PRICKLE1: variants seen among roughly 807,000 people sequenced by gnomAD.
The protein encoded by PRICKLE1 is prickle planar cell polarity protein 1, also known as prickle-like protein 1.
PRICKLE1 carries 14 observed loss-of-function variants against 70.2 expected under a neutral mutation model. That is an observed-to-expected ratio of 0.20 (90% confidence interval 0.13 to 0.31). PRICKLE1 has a LOEUF of 0.31. Among genes scored for constraint, PRICKLE1 ranks in the 10% least tolerant of loss-of-function variants. The pLI, the probability that PRICKLE1 is intolerant of heterozygous loss-of-function variation, is 1.00. For synonymous variants in PRICKLE1, 357 were observed against 379.9 expected, an observed-to-expected ratio of 0.94 and a Z score of 0.70; for missense variants, 821 against 1,026.2, an observed-to-expected ratio of 0.80 and a Z score of 2.73.
At chr12:42,561,869 G>A (rs898415261) in intron 1 of PRICKLE1, among the ~76,000 whole-genome samples, 3 of 149,658 alleles carry the variant, frequency 2.0e-5, no homozygotes, top group East Asian at 2.0e-4. Context: ...GAAAATAAGC[G>A]AAAATATGAT....
intron 1 of PRICKLE1, among the ~76,000 whole-genome samples, chr12:42,512,857 T>C (rs1196208375): frequency 6.6e-6 from 1 of 152,188 alleles, no homozygotes; most frequent in Non-Finnish European, 1.5e-5. Context: ...AGCCTCTCTT[T>C]TGAAGTTTGG....
chr12:42,560,187 A>G (rs1014819799), intron 1 of PRICKLE1, among the ~76,000 whole-genome samples: 1 of 150,052 alleles, frequency 6.7e-6, no homozygotes, highest in Non-Finnish European at 1.5e-5. Context: ...CCCAGGCTGG[A>G]GTGCAGTGGT....
At chr12:42,501,668 T>TC (rs1284176387) in intron 1 of PRICKLE1, among the ~76,000 whole-genome samples, 2 of 152,112 alleles carry the variant, frequency 1.3e-5, no homozygotes, top group Non-Finnish European at 2.9e-5. Context: ...GGCTTTTTTT[T>TC]CCCCCATACA....
intron 1 of PRICKLE1, among the ~76,000 whole-genome samples, chr12:42,542,646 G>C (rs1474140268): frequency 6.6e-6 from 1 of 152,066 alleles, no homozygotes; most frequent in African/African-American, 2.4e-5. Flanking sequence ...GCAAGACTCT[G>C]TCTCAAAAAT....
chr12:42,555,136 C>G (rs756410784), intron 1 of PRICKLE1, among the ~76,000 whole-genome samples: 2 of 151,998 alleles, frequency 1.3e-5, no homozygotes, highest in Non-Finnish European at 2.9e-5. Context: ...AACCCTGTCT[C>G]CACTAAAAAT....
chr12:42,465,000 T>C lies in PRICKLE1; in HGVS notation c.1034A>G (p.Gln345Arg), dbSNP rs1397193014. ...RMGKSSRSADQCRQSLLLSPA... is the reference protein window; with the variant it reads ...RMGKSSRSADRCRQSLLLSPA... ...CGATAAGAGGAGAGACTGTCTACAC[T>C]GATCTGCTGACCGGCTGCTCTTGCC... Residue 345 changes from glutamine (Q) to arginine (R), a missense_variant, in exon 7 of 8, where the codon CAG (glutamine) becomes CGG (arginine). Gln to Arg is a conservative substitution (Grantham distance 43). Coordinates refer to ENST00000345127, the MANE Select transcript of PRICKLE1 (RefSeq NM_153026.3). This position sits in a 1 kb window ranked among gnomAD's most constrained non-coding sequence, Gnocchi z 4.2. 1 of 1,609,336 alleles carries C rather than the reference T, an allele frequency of 6.2e-7. No homozygotes were observed. Among genetic ancestry groups the C allele is most frequent in the African/African-American group, 1.3e-5 (1 of 74,698 alleles).
At chr12:42,518,750 G>C (rs529065798) in intron 1 of PRICKLE1, among the ~76,000 whole-genome samples, 1 of 152,246 alleles carries the variant, frequency 6.6e-6, no homozygotes, top group African/African-American at 2.4e-5. Context: ...ACATGACCTT[G>C]AAATTTATTT....
At position 42,484,275 on chromosome 12, in the gene PRICKLE1, G is replaced by GCCGC. The variant is rs1010929485; in HGVS notation, c.-48-11715_-48-11712dup. ...CAGCCTAGCGGCTCGAGCACCTACC[G>GCCGC]CCGCCCGCCCGCTCCATTCTCCCGA... On this transcript the variant is annotated intron_variant, in intron 1 of 7. Coordinates refer to ENST00000345127, the MANE Select transcript of PRICKLE1 (RefSeq NM_153026.3). 6 of 151,612 alleles carry GCCGC rather than the reference G, an allele frequency of 4.0e-5. No homozygotes were observed. In the East Asian group the frequency reaches 9.8e-4, roughly 25 times the overall value. 9.4% of individuals were successfully genotyped at this position (151,612 alleles called of 1,614,324 possible). A position where few individuals can be genotyped will look rare whatever the true frequency, so the allele number is the denominator to read the frequency against.
chr12:42,581,240 T>C (rs1426153296), intron 1 of PRICKLE1, among the ~76,000 whole-genome samples: 1 of 152,136 alleles, frequency 6.6e-6, no homozygotes, highest in Non-Finnish European at 1.5e-5. Context: ...ATTTTATATA[T>C]GAAGAAACTG....
At chr12:42,530,680 A>ATTTTTTTTT (rs34675637) in intron 1 of PRICKLE1, among the ~76,000 whole-genome samples, 12 of 97,100 alleles carry the variant, frequency 1.2e-4, no homozygotes, top group Non-Finnish European at 1.9e-4. Context: ...TTATCAAATA[A>ATTTTTTTTT]TTTTTTTTTT....
rs949811158 is a variant in PRICKLE1 at position 42,589,157 on chromosome 12, A to G, written c.-49+308T>C. The G allele has an allele frequency of 6.6e-6, 1 of 152,298 alleles. No homozygotes were observed. Among genetic ancestry groups the G allele is most frequent in the African/African-American group, 2.4e-5 (1 of 41,478 alleles). 9.4% of individuals were successfully genotyped at this position (152,298 alleles called of 1,614,324 possible). A position where few individuals can be genotyped will look rare whatever the true frequency, so the allele number is the denominator to read the frequency against. On this transcript the variant is annotated intron_variant, in intron 1 of 7. Transcript: ENST00000345127. The surrounding 1 kb of genome is among the most constrained non-coding windows in gnomAD (Gnocchi z 5.0). ...CGCATCGCCTCGACCCTCGGGCTAC[A>G]GAACCTGTTTCCACGCCGGAGAAAA...
chr12:42,585,530 G>T (rs1940972975), intron 1 of PRICKLE1, among the ~76,000 whole-genome samples: 1 of 152,112 alleles, frequency 6.6e-6, no homozygotes, highest in Non-Finnish European at 1.5e-5. Context: ...GCTCAGGAAT[G>T]GTTCTTGGAA....
At chr12:42,517,144 T>G (rs1212112868) in intron 1 of PRICKLE1, among the ~76,000 whole-genome samples, 1 of 152,184 alleles carries the variant, frequency 6.6e-6, no homozygotes, top group South Asian at 2.1e-4. Flanking sequence ...GTCTCCTAAA[T>G]TAGCTGCTAA....
intron 1 of PRICKLE1, among the ~76,000 whole-genome samples, chr12:42,474,968 C>T (rs1027154493): frequency 2.0e-5 from 3 of 152,188 alleles, no homozygotes; most frequent in East Asian, 1.9e-4. Context: ...CACAAAGATA[C>T]AGATTGCCGA....
At position 42,458,908 on chromosome 12, in the gene PRICKLE1, G is replaced by C. The variant is rs1937677999; in HGVS notation, c.*901C>G. On this transcript the variant is annotated 3_prime_UTR_variant, in exon 8 of 8. Coordinates refer to ENST00000345127, the MANE Select transcript of PRICKLE1 (RefSeq NM_153026.3). ...ATAAGTAACACTTGTAAGATTAATA[G>C]GGCCATAGTTTTAAAGAGTACTTAC... The C allele has an allele frequency of 5.6e-6, 1 of 178,750 alleles. No individual in the cohort carries two copies. Among genetic ancestry groups the C allele is most frequent in the Admixed American group, 5.5e-5 (1 of 18,226 alleles). The allele number at this position is 178,750 out of a possible 1,614,324, so 11.1% of individuals were successfully genotyped here.
At chr12:42,470,164 T>G in intron 3 of PRICKLE1, 82 bp downstream of exon 3, 4 of 1,006,712 alleles carry the variant, frequency 4.0e-6, no homozygotes, top group Non-Finnish European at 6.3e-6. Flanking sequence ...CAGTGAGGAG[T>G]TGGGGTTTAT....
intron 1 of PRICKLE1, among the ~76,000 whole-genome samples, chr12:42,588,044 A>G (rs888164550): frequency 6.6e-6 from 1 of 152,154 alleles, no homozygotes; most frequent in African/African-American, 2.4e-5. Context: ...CACTCCTGAT[A>G]ATAGAAGGCG....
intron 1 of PRICKLE1, among the ~76,000 whole-genome samples, chr12:42,477,043 C>T (rs774608730): frequency 2.6e-5 from 4 of 152,032 alleles, no homozygotes; most frequent in Non-Finnish European, 5.9e-5. Context: ...GGCAGCTAAA[C>T]ACAGTTCTTA....
intron 5 of PRICKLE1, 106 bp from the exon 6 acceptor site, chr12:42,466,486 T>C (rs1422845013): frequency 2.1e-6 from 2 of 953,592 alleles, no homozygotes; most frequent in Non-Finnish European, 3.3e-6. Flanking sequence ...CACTGGCTCT[T>C]AAAAAAATCA....
Sources: allele counts gnomAD v4.1 joint callset (sites outside exome capture counted in the v4.1 genomes callset), GRCh38; gene constraint gnomAD v4.1.1; non-coding constraint Gnocchi (gnomAD v3.1); transcripts MANE v1.5; gene names NCBI Gene and HGNC (gene_info 2026-07-23, HGNC 2026-07-21).